The following GAS7 variants were observed in gnomAD, a reference collection of about 807,000 sequenced individuals.
GAS7 encodes growth arrest-specific protein 7.
GAS7 carries 28 observed loss-of-function variants against 71.1 expected under a neutral mutation model. The observed-to-expected ratio is 0.39, with a 90% confidence interval of 0.29 to 0.54. The LOEUF (loss-of-function observed/expected upper bound fraction) is 0.54, where lower values mean the gene tolerates loss of function less well. Among genes scored for constraint, GAS7 ranks in the 20% least tolerant of loss-of-function variants. The pLI is 0.62. For missense variants in GAS7, 436 were observed against 627.8 expected (o/e 0.69, Z 3.27); for synonymous variants, 258 against 245.8 (o/e 1.05, Z -0.46).
At chr17:10,159,448 G>C (rs1021008130) in intron 1 of GAS7, among the ~76,000 whole-genome samples, 3 of 151,868 alleles carry the variant, frequency 2.0e-5, no homozygotes, top group Non-Finnish European at 2.9e-5. Context: ...TTATTCATAG[G>C]GTGACACACT....
intron 2 of GAS7, among the ~76,000 whole-genome samples, chr17:10,017,696 T>C (rs1477687423): frequency 6.6e-6 from 1 of 152,152 alleles, no homozygotes; most frequent in Non-Finnish European, 1.5e-5. Flanking sequence ...ATAGATAAAG[T>C]CTTATTGGAA....
intron 2 of GAS7, among the ~76,000 whole-genome samples, chr17:10,010,172 G>A (rs2071711820): frequency 6.6e-6 from 1 of 151,524 alleles, no homozygotes; most frequent in Non-Finnish European, 1.5e-5. Flanking sequence ...TTTTTTGGGG[G>A]GGCGTCTCCC....
intron 5 of GAS7, among the ~76,000 whole-genome samples, chr17:9,952,292 C>A (rs1291585210): frequency 6.6e-6 from 1 of 152,200 alleles, no homozygotes. Context: ...CTGGGGGAGA[C>A]CTTGTGCCCA....
At chr17:10,146,346 G>C (rs2074120758) in intron 1 of GAS7, among the ~76,000 whole-genome samples, 2 of 152,186 alleles carry the variant, frequency 1.3e-5, no homozygotes, top group Non-Finnish European at 2.9e-5. Flanking sequence ...CTCAAAGACA[G>C]CCCTGGAGAG....
intron 1 of GAS7, among the ~76,000 whole-genome samples, chr17:10,071,419 A>T (rs1372684628): frequency 6.6e-6 from 1 of 152,178 alleles, no homozygotes; most frequent in Non-Finnish European, 1.5e-5. Flanking sequence ...GTGAAGGCAA[A>T]GTACAAGTAT....
chr17:10,035,790 T>C (rs560557142), intron 1 of GAS7, among the ~76,000 whole-genome samples: 1 of 152,140 alleles, frequency 6.6e-6, no homozygotes, highest in Non-Finnish European at 1.5e-5. Context: ...AGAGCTTCCA[T>C]CATCACTGTT....
At chr17:9,924,338 A>C (rs2067920403) in intron 11 of GAS7, among the ~76,000 whole-genome samples, 1 of 151,972 alleles carries the variant, frequency 6.6e-6, no homozygotes, top group Non-Finnish European at 1.5e-5. Flanking sequence ...ATGCCTAGCT[A>C]ATTTTTTCAA....
intron 9 of GAS7, among the ~76,000 whole-genome samples, chr17:9,930,869 G>A (rs770387522): frequency 6.6e-6 from 1 of 152,212 alleles, no homozygotes; most frequent in African/African-American, 2.4e-5. Context: ...AACACTGACC[G>A]ACAGGCTGGA....
intron 11 of GAS7, among the ~76,000 whole-genome samples, chr17:9,920,182 A>AGCGTGTGTGTGTGT (rs112208548): frequency 8.0e-4 from 113 of 141,152 alleles, no homozygotes; most frequent in African/African-American, 2.8e-3. Flanking sequence ...AGATCATGTA[A>AGCGTGTGTGTGTGT]GTGTGTGTGT....
At chr17:9,985,885 G>T (rs115492570) in intron 2 of GAS7, among the ~76,000 whole-genome samples, 2,214 of 152,264 alleles carry the variant, frequency 0.015, 58 homozygotes, top group African/African-American at 0.051. Context: ...TTCCTTCCCC[G>T]GGGGTTGCTC....
chr17:9,953,157 T>A (rs2069089905), intron 5 of GAS7, among the ~76,000 whole-genome samples: 1 of 151,702 alleles, frequency 6.6e-6, no homozygotes, highest in Non-Finnish European at 1.5e-5. Flanking sequence ...TGAAATACTA[T>A]GCAGCTGTAA....
intron 2 of GAS7, among the ~76,000 whole-genome samples, chr17:9,995,374 A>C (rs1251598981): frequency 6.6e-6 from 1 of 152,188 alleles, no homozygotes; most frequent in Non-Finnish European, 1.5e-5. Flanking sequence ...GATAAAAAGA[A>C]AGATAAAGAG....
rs1180865714 is a variant in GAS7 at position 9,954,331 on chromosome 17, C to T, written c.525+4871G>A. Among the ~76,000 whole-genome samples the T allele has an allele frequency of 3.9e-5, 6 of 152,060 alleles. No individual in the cohort carries two copies. In the East Asian group the frequency reaches 7.7e-4, roughly 20 times the overall value. ...GTCTGTCCTGAAGGCAGCAGGACAGCGGGGGCCACAGAAGCACCCTGCAGG... is the reference window on the plus strand; with the variant it reads ...GTCTGTCCTGAAGGCAGCAGGACAGTGGGGGCCACAGAAGCACCCTGCAGG... On this transcript the variant is annotated intron_variant, in intron 5 of 13. Coordinates refer to ENST00000432992, the MANE Select transcript of GAS7 (RefSeq NM_201433.2).
At chr17:10,058,270 AAAAACAAAAC>A (rs369716918) in intron 1 of GAS7, among the ~76,000 whole-genome samples, 1 of 151,536 alleles carries the variant, frequency 6.6e-6, no homozygotes, top group Non-Finnish European at 1.5e-5. Flanking sequence ...AAACAAAAAC[AAAAACAAAAC>A]AAAACAAAGC....
At chr17:10,009,006 T>C (rs1048324705) in intron 2 of GAS7, among the ~76,000 whole-genome samples, 7 of 152,144 alleles carry the variant, frequency 4.6e-5, no homozygotes, top group Admixed American at 4.6e-4. Context: ...TCCAATTATT[T>C]GTAACAAAGA....
intron 1 of GAS7, among the ~76,000 whole-genome samples, chr17:10,148,639 C>T (rs1442436390): frequency 3.4e-5 from 5 of 148,764 alleles, no homozygotes; most frequent in African/African-American, 5.0e-5. Flanking sequence ...AGGCCAGGCG[C>T]GGTGGCTCAC....
At chr17:10,166,364 G>GGAGCTGGTGT (rs2074294105) in intron 1 of GAS7, among the ~76,000 whole-genome samples, 1 of 152,164 alleles carries the variant, frequency 6.6e-6, no homozygotes, top group Admixed American at 6.5e-5. Flanking sequence ...GGGGCCCCAA[G>GGAGCTGGTGT]GGACCTCCTT....
intron 2 of GAS7, among the ~76,000 whole-genome samples, chr17:10,009,942 C>A (rs901532311): frequency 1.3e-5 from 2 of 152,112 alleles, no homozygotes; most frequent in Non-Finnish European, 2.9e-5. Flanking sequence ...ATCTACTAAT[C>A]CACAAACTCA....
chr17:9,926,012 G>T lies in GAS7; in HGVS notation c.1015-413C>A, dbSNP rs1311877306. On this transcript the variant is annotated intron_variant, in intron 10 of 13. Transcript: ENST00000432992. This position sits in a 1 kb window ranked among gnomAD's most constrained non-coding sequence, Gnocchi z 5.0. ...CCGTTCTGGAGCTGGACAAGCCTCG[G>T]CCCTCTTGTTCCCCTCACTGTACTG... 6.6e-6 allele frequency among the ~76,000 whole-genome samples: 1 copy of T among 151,948 alleles called. No individual in the cohort carries two copies. The highest frequency in any genetic ancestry group is 1.5e-5 in the Non-Finnish European group (1 of 67,984).
Sources: gnomAD v4.1 joint callset for allele counts (sites outside exome capture counted in the v4.1 genomes callset) on GRCh38, gnomAD v4.1.1 for gene constraint, Gnocchi (gnomAD v3.1) non-coding constraint, MANE v1.5 for transcripts, NCBI Gene and HGNC (gene_info 2026-07-23, HGNC 2026-07-21) for gene names.